Variants in SORBS2 observed in about 807,000 individuals in gnomAD.
The protein encoded by SORBS2 is sorbin and SH3 domain containing 2.
SORBS2 carries 46 observed loss-of-function variants against 97.7 expected under a neutral mutation model. The observed-to-expected ratio is 0.47, with a 90% CI of 0.37 to 0.60. The LOEUF is 0.60. Ranked by LOEUF, SORBS2 falls within the 20% of genes least tolerant of loss-of-function variation. SORBS2 has a pLI of 0.00. For missense variants in SORBS2, 1,316 were observed against 1,282.3 expected (o/e 1.03, Z -0.40); for synonymous variants, 476 against 473.4 (o/e 1.01, Z -0.07).
chr4:185,931,812 G>GACACACAC (rs56398253), intron 1 of SORBS2, among the ~76,000 whole-genome samples: 115,231 of 150,864 alleles, frequency 0.76, 44,055 homozygotes, highest in Middle Eastern at 0.85. Context: ...GAGACAGACA[G>GACACACAC]ACACACACAC....
chr4:185,823,950 C>T (rs568505491), intron 1 of SORBS2, among the ~76,000 whole-genome samples: 1 of 152,278 alleles, frequency 6.6e-6, no homozygotes, highest in South Asian at 2.1e-4. Context: ...AAGATAGCAG[C>T]TGATACCGTA....
At chr4:185,638,779 G>A in intron 4 of SORBS2, 98 bp downstream of exon 14, 1 of 1,194,748 alleles carries the variant, frequency 8.4e-7, no homozygotes, top group East Asian at 3.1e-5. Flanking sequence ...GGTGCGAGCG[G>A]GACCCGGGGG....
chr4:185,693,805 G>C (rs975811942), intron 2 of SORBS2, among the ~76,000 whole-genome samples: 21 of 152,164 alleles, frequency 1.4e-4, no homozygotes, highest in African/African-American at 4.8e-4. Context: ...AACACCTATT[G>C]TTTGAATTCA....
chr4:185,591,424 A>G (rs1236239612), intron 13 of SORBS2, among the ~76,000 whole-genome samples: 1 of 152,200 alleles, frequency 6.6e-6, no homozygotes, highest in Non-Finnish European at 1.5e-5. Flanking sequence ...AGTAGTGGCC[A>G]AAAAGACAGG....
chr4:185,928,943 C>T (rs116837982), intron 1 of SORBS2, among the ~76,000 whole-genome samples: 4,649 of 152,234 alleles, frequency 0.031, 118 homozygotes, highest in Middle Eastern at 0.058. Flanking sequence ...AAATAGAGGG[C>T]GTATGCCTTA....
intron 2 of SORBS2, among the ~76,000 whole-genome samples, chr4:185,707,268 A>G (rs1015795216): frequency 1.3e-4 from 20 of 152,224 alleles, no homozygotes; most frequent in Non-Finnish European, 1.9e-4. Context: ...GCTATTAAGT[A>G]GTGAGTGAAG....
intron 1 of SORBS2, 128 bp downstream of exon 1, chr4:185,811,536 C>T (rs1002601): frequency 0.69 from 104,717 of 152,130 alleles, 36,098 homozygotes; most frequent in Middle Eastern, 0.83. Context: ...TGTGTGTATG[C>T]GTGTGTGTAT....
chr4:185,677,129 G>A (rs1035181848), intron 4 of SORBS2: 26 of 1,551,542 alleles, frequency 1.7e-5, no homozygotes, highest in East Asian at 2.4e-5. Flanking sequence ...GTCCTGAAAG[G>A]GGAGCTATCT....
chr4:185,712,239 C>A (rs1256304051), intron 2 of SORBS2, among the ~76,000 whole-genome samples: 1 of 152,166 alleles, frequency 6.6e-6, no homozygotes, highest in South Asian at 2.1e-4. Flanking sequence ...GGTGGGACTA[C>A]AGATGAATGT....
chr4:185,896,538 C>T (rs553690505), intron 1 of SORBS2, among the ~76,000 whole-genome samples: 3 of 152,318 alleles, frequency 2.0e-5, no homozygotes, highest in African/African-American at 4.8e-5. Context: ...GAGCCAAGAT[C>T]GCGCCACTGC....
At chr4:185,667,979 T>G (rs929252824) in intron 4 of SORBS2, among the ~76,000 whole-genome samples, 11 of 152,140 alleles carry the variant, frequency 7.2e-5, no homozygotes, top group African/African-American at 2.4e-4. Flanking sequence ...AAATTTCCCC[T>G]AATAATTCAG....
chr4:185,672,449 T>G (rs1011674958), intron 4 of SORBS2, among the ~76,000 whole-genome samples: 1 of 152,246 alleles, frequency 6.6e-6, no homozygotes, highest in African/African-American at 2.4e-5. Context: ...GTGTCTGGCT[T>G]ATACCTTCAC....
chr4:185,689,616 G>T (rs1042162495), intron 2 of SORBS2, among the ~76,000 whole-genome samples: 3 of 152,186 alleles, frequency 2.0e-5, no homozygotes, highest in Admixed American at 2.0e-4. Context: ...CCTTCTCTGA[G>T]GCCACTACGG....
At chr4:185,909,501 T>G (rs1043534380) in intron 1 of SORBS2, among the ~76,000 whole-genome samples, 1 of 152,030 alleles carries the variant, frequency 6.6e-6, no homozygotes, top group Non-Finnish European at 1.5e-5. Context: ...TATATCCACA[T>G]GACAAAATTA....
chr4:185,712,685 G>T lies in SORBS2; in HGVS notation c.-197-33863C>A, dbSNP rs913871662. The stretch of plus-strand genomic sequence containing the variant: ...CCACCTGGATGCTCGAACGGGGACT[G>T]CATGGAGTTCGCTCCTGCCAGTGCC... On this transcript the variant is annotated intron_variant, in intron 2 of 20. Coordinates refer to the SORBS2 transcript ENST00000284776. Among the ~76,000 whole-genome samples the T allele has an allele frequency of 3.3e-5, 5 of 152,318 alleles. No individual in the cohort carries two copies. The East Asian group carries it at 7.7e-4, about 24-fold the overall frequency.
intron 1 of SORBS2, among the ~76,000 whole-genome samples, chr4:185,822,318 G>A (rs1042790523): frequency 3.9e-5 from 6 of 152,172 alleles, no homozygotes; most frequent in African/African-American, 1.4e-4. Context: ...GTTCCAACAG[G>A]CCTGGAGCTC....
chr4:185,767,154 T>C (rs2098938589), intron 2 of SORBS2, among the ~76,000 whole-genome samples: 1 of 152,118 alleles, frequency 6.6e-6, no homozygotes, highest in Non-Finnish European at 1.5e-5. Context: ...AACTTAGGAT[T>C]TGAAATGTCG....
chr4:185,852,876 C>A (rs567084089), intron 1 of SORBS2, among the ~76,000 whole-genome samples: 1 of 152,132 alleles, frequency 6.6e-6, no homozygotes, highest in Admixed American at 6.6e-5. Flanking sequence ...TTTACCACCA[C>A]GCAAATCACC....
chr4:185,916,738 C>T (rs1267828599), intron 1 of SORBS2, among the ~76,000 whole-genome samples: 1 of 152,084 alleles, frequency 6.6e-6, no homozygotes. Flanking sequence ...TAGAGGAGAG[C>T]GATGCTATTA....
Sources: allele counts gnomAD v4.1 joint callset (sites outside exome capture counted in the v4.1 genomes callset), GRCh38; gene constraint gnomAD v4.1.1; transcripts MANE v1.5; gene names NCBI Gene and HGNC (gene_info 2026-07-23, HGNC 2026-07-21).